Variants in FREM1 observed in about 807,000 individuals in gnomAD.
FREM1 encodes FRAS1-related extracellular matrix protein 1.
Under a neutral mutation model 210.1 loss-of-function variants are expected in FREM1, and 220 were observed. That is an observed-to-expected ratio of 1.05 (90% CI 0.94 to 1.17). FREM1 has a LOEUF of 1.17. Ranked by LOEUF, FREM1 falls within the 50% of genes most tolerant of loss-of-function variation. FREM1 has a pLI of 0.00. For missense variants in FREM1, 3,454 were observed against 2,675.5 expected (o/e 1.29, Z -6.42); for synonymous variants, 1,189 against 980.2 (o/e 1.21, Z -3.98).
chr9:14,808,855 C>T (rs1264586392), intron 16 of FREM1, among the ~76,000 whole-genome samples: 6 of 152,182 alleles, frequency 3.9e-5, no homozygotes, highest in African/African-American at 1.4e-4. Flanking sequence ...GGGCAATCTG[C>T]TCTTGGGTTA....
chr9:14,752,197 G>C (rs528931228), intron 29 of FREM1, among the ~76,000 whole-genome samples: 10 of 151,970 alleles, frequency 6.6e-5, no homozygotes, highest in African/African-American at 1.9e-4. Context: ...AACCAGAAAA[G>C]TCAAATAATT....
chr9:14,826,003 T>C (rs1005810455), intron 10 of FREM1, among the ~76,000 whole-genome samples: 1 of 152,002 alleles, frequency 6.6e-6, no homozygotes, highest in African/African-American at 2.4e-5. Flanking sequence ...TTCAAAAATC[T>C]TAAAACAACT....
chr9:14,845,580 C>G (rs918112281), intron 8 of FREM1, among the ~76,000 whole-genome samples: 3 of 152,228 alleles, frequency 2.0e-5, no homozygotes, highest in African/African-American at 7.2e-5. Context: ...GTTGGGATTA[C>G]AGGCGTGAGC....
intron 15 of FREM1, 40 bp from the exon 16 acceptor site, chr9:14,813,104 G>T: frequency 1.3e-6 from 2 of 1,572,310 alleles, no homozygotes; most frequent in South Asian, 1.2e-5. Context: ...GAAAAAGAAA[G>T]AAATGACAAA....
In FREM1 at chr9:14,775,795, G is replaced by C. The variant is rs1390701599; in HGVS notation, c.4851C>G (p.Thr1617=). ...CTGTGTTTTTCATACTTGCCTGAAT[G>C]GTGAATAAAACAGGTTCTTCCCACA... ...GRVWEEPVLF[T]IQVDQLDKTA... is the part of the protein sequence containing the mutation. Residue 1617 remains threonine, a synonymous_variant, in exon 25 of 37, where the codon ACC becomes ACG. Coordinates refer to ENST00000380880, the MANE Select transcript of FREM1 (RefSeq NM_001379081.2). 2 of 1,607,018 alleles carry C rather than the reference G, an allele frequency of 1.2e-6. No individual in the cohort carries two copies. Among genetic ancestry groups the C allele is most frequent in the Non-Finnish European group, 1.7e-6 (2 of 1,174,868 alleles).
At chr9:14,819,486 G>C in intron 13 of FREM1, 44 bp from the exon 14 acceptor site, 1 of 1,192,862 alleles carries the variant, frequency 8.4e-7, no homozygotes, top group East Asian at 2.4e-5. Context: ...CTTTTTCCAT[G>C]ACCCCTGAAG....
intron 36 of FREM1, among the ~76,000 whole-genome samples, chr9:14,737,933 TAA>T (rs1840698796): frequency 6.6e-6 from 1 of 152,320 alleles, no homozygotes; most frequent in Admixed American, 6.5e-5. Context: ...TTGGCATATA[TAA>T]GTGTTTAATA....
chr9:14,752,597 C>T (rs936581142), intron 29 of FREM1, among the ~76,000 whole-genome samples: 1 of 151,762 alleles, frequency 6.6e-6, no homozygotes, highest in South Asian at 2.1e-4. Context: ...GAGATCCAGG[C>T]AGATAGACAG....
chr9:14,872,599 T>A (rs1452330195), intron 1 of FREM1, among the ~76,000 whole-genome samples: 2 of 152,026 alleles, frequency 1.3e-5, no homozygotes, highest in East Asian at 1.9e-4. Flanking sequence ...AGATATACAA[T>A]CATGTCATCT....
intron 36 of FREM1, among the ~76,000 whole-genome samples, chr9:14,739,915 C>G (rs577394908): frequency 6.6e-6 from 1 of 152,126 alleles, no homozygotes; most frequent in East Asian, 1.9e-4. Flanking sequence ...TCTTGCCTGT[C>G]AATCTGACCA....
intron 23 of FREM1, among the ~76,000 whole-genome samples, chr9:14,788,404 G>C (rs1850738493): frequency 6.6e-6 from 1 of 152,154 alleles, no homozygotes; most frequent in South Asian, 2.1e-4. Flanking sequence ...TGTCCCTAAA[G>C]AGTATATGTT....
chr9:14,741,462 T>C (rs1452657072), intron 35 of FREM1, among the ~76,000 whole-genome samples: 1 of 152,214 alleles, frequency 6.6e-6, no homozygotes, highest in Non-Finnish European at 1.5e-5. Flanking sequence ...CTTAGACCGC[T>C]GGATTGGGTT....
In FREM1 at chr9:14,770,751, T is replaced by G; in HGVS notation, c.4913A>C (p.Gln1638Pro). ...GCAGCCATTTTTCAGGAGCCCCACT[T>G]GAGAAGGGGAATGCAAGAGTGTGAT... Reference protein sequence around the residue: ...PRITLLHSPSQVGLLKNGCYG... With the variant: ...PRITLLHSPSPVGLLKNGCYG... The change falls in exon 26 of 37, where the codon CAA becomes CCA. Residue 1638 changes from glutamine to proline, a missense_variant. By Grantham distance (76) the Gln-to-Pro change is moderately conservative (BLOSUM62 -1). Transcript: ENST00000380880. 6.2e-7 allele frequency: 1 copy of G among 1,613,446 alleles called. No homozygotes were observed. The highest frequency in any genetic ancestry group is 1.7e-5 in the Admixed American group (1 of 59,956).
rs201276371 is a variant in FREM1 at position 14,874,489 on chromosome 9, C to A, written c.-267-5245G>T. Among the ~76,000 whole-genome samples, 6 of 149,714 alleles carry A rather than the reference C, an allele frequency of 4.0e-5. No individual in the cohort carries two copies. In the East Asian group the frequency reaches 9.8e-4, roughly 24 times the overall value. On this transcript the variant is annotated intron_variant, in intron 1 of 36. Coordinates refer to ENST00000380880, the MANE Select transcript of FREM1 (RefSeq NM_001379081.2). ...GTTTTATCAGAGACTAGGATTGCAA[C>A]CCCTGCCTTTTTTTGTTTTCCATTT...
intron 27 of FREM1, among the ~76,000 whole-genome samples, chr9:14,765,514 A>G (rs1846236081): frequency 6.6e-6 from 1 of 152,250 alleles, no homozygotes; most frequent in Admixed American, 6.5e-5. Context: ...TGGGTGCCCA[A>G]TAAATGCTAT....
intron 21 of FREM1, among the ~76,000 whole-genome samples, chr9:14,793,472 G>A (rs895715657): frequency 6.6e-6 from 1 of 152,324 alleles, no homozygotes; most frequent in South Asian, 2.1e-4. Flanking sequence ...GTCAGCTCCT[G>A]TCTTCTTGAA....
intron 13 of FREM1, among the ~76,000 whole-genome samples, chr9:14,819,882 T>C (rs1820976523): frequency 1.3e-5 from 2 of 152,224 alleles, no homozygotes; most frequent in Admixed American, 6.5e-5. Context: ...CTTTTCATCC[T>C]AAAAATTCTT....
intron 35 of FREM1, among the ~76,000 whole-genome samples, chr9:14,744,480 C>T (rs1017625900): frequency 6.6e-6 from 1 of 151,964 alleles, no homozygotes; most frequent in Non-Finnish European, 1.5e-5. Flanking sequence ...TATATAAATG[C>T]AATCATATAA....
intron 20 of FREM1, among the ~76,000 whole-genome samples, chr9:14,801,359 T>C (rs1442252233): frequency 6.6e-6 from 1 of 152,240 alleles, no homozygotes; most frequent in Non-Finnish European, 1.5e-5. Context: ...ACTCATTTTT[T>C]TGATTGGTGA....
Sources: gnomAD v4.1 joint callset for allele counts (sites outside exome capture counted in the v4.1 genomes callset) on GRCh38, gnomAD v4.1.1 for gene constraint, MANE v1.5 for transcripts, NCBI Gene and HGNC (gene_info 2026-07-23, HGNC 2026-07-21) for gene names.